The following SHKBP1 variants were observed in gnomAD, a reference collection of about 807,000 sequenced individuals.
SHKBP1 encodes the protein SH3KBP1 binding protein 1.
Under a neutral mutation model 83.9 loss-of-function variants are expected in SHKBP1, and 71 were observed. The observed-to-expected ratio is 0.85, with a 90% confidence interval of 0.70 to 1.03. The LOEUF (loss-of-function observed/expected upper bound fraction) is 1.03, where lower values mean the gene tolerates loss of function less well. Among genes scored for constraint, SHKBP1 ranks in the 50% least tolerant of loss-of-function variants. The probability of loss-of-function intolerance (pLI) is 0.00; values close to 1 mark genes in which losing one functional copy is unlikely to be tolerated. For synonymous variants in SHKBP1, 371 were observed against 398.0 expected (o/e 0.93, Z 0.81); for missense variants, 824 against 982.4 (o/e 0.84, Z 2.16).
intron 13 of SHKBP1, among the ~76,000 whole-genome samples, chr19:40,587,945 G>T (rs1348796800): frequency 6.6e-6 from 1 of 152,194 alleles, no homozygotes; most frequent in Non-Finnish European, 1.5e-5. Context: ...ACCAGGCAAT[G>T]ATAAGGGCTA....
chr19:40,581,595 C>T (rs773064292), intron 9 of SHKBP1, among the ~76,000 whole-genome samples: 3 of 151,898 alleles, frequency 2.0e-5, no homozygotes, highest in Non-Finnish European at 4.4e-5. Context: ...TCTGTAGTTC[C>T]AGCACTTTGG....
chr19:40,577,945 C>G, intron 4 of SHKBP1: 1 of 600,444 alleles, frequency 1.7e-6, no homozygotes, highest in Non-Finnish European at 2.9e-6. Context: ...TTCGATTTCT[C>G]CCTACACACA....
At chr19:40,581,538 A>C (rs2081270252) in intron 9 of SHKBP1, among the ~76,000 whole-genome samples, 1 of 108,272 alleles carries the variant, frequency 9.2e-6, no homozygotes, top group Admixed American at 8.3e-5. Context: ...AAAAAAAAAA[A>C]ACAAAAAAAG....
intron 9 of SHKBP1, among the ~76,000 whole-genome samples, 192 bp from the exon 10 acceptor site, chr19:40,582,159 T>G (rs1050180980): frequency 1.4e-4 from 21 of 152,144 alleles, no homozygotes; most frequent in African/African-American, 5.1e-4. Flanking sequence ...TGGCCTCAAA[T>G]GATCCGCCCA....
At chr19:40,577,919 T>C in intron 4 of SHKBP1, 1 of 628,660 alleles carries the variant, frequency 1.6e-6, no homozygotes, top group Non-Finnish European at 2.8e-6. Flanking sequence ...CTTGATCATG[T>C]TAAAATTTTA....
At chr19:40,580,146 A>C in intron 6 of SHKBP1, 178 bp from the exon 7 acceptor site, 2 of 663,216 alleles carry the variant, frequency 3.0e-6, no homozygotes, top group Non-Finnish European at 2.5e-6. Context: ...ACTGAAAGGG[A>C]AGTAACTTGC....
At chr19:40,583,986 G>A (rs922184262) in intron 12 of SHKBP1, among the ~76,000 whole-genome samples, 8 of 152,068 alleles carry the variant, frequency 5.3e-5, no homozygotes, top group Non-Finnish European at 7.4e-5. Context: ...GATTACAGGC[G>A]CCCACTGCCA....
Position 40,580,622 on chromosome 19 carries a change from G to T in SHKBP1, c.619G>T (p.Ala207Ser), listed in dbSNP as rs114918214. The T allele has an allele frequency of 7.4e-6, 12 of 1,614,080 alleles. No homozygotes were observed. The highest frequency in any genetic ancestry group is 9.3e-6 in the Non-Finnish European group (11 of 1,180,052). ...GGTGTGTGGACACCATAATTGGATC[G>T]CTGTGGCCTATACCCAGTTTCTAGT... Reference protein sequence around the residue: ...RLVCGHHNWIAVAYTQFLVCY... With the variant: ...RLVCGHHNWISVAYTQFLVCY... The change falls in exon 8 of 18, where the codon GCT (alanine) becomes TCT (serine). Residue 207 changes from alanine (A) to serine (S), a missense_variant. Ala to Ser is a moderately conservative substitution (Grantham distance 99). Transcript: ENST00000291842.
At chr19:40,581,169 T>C (rs1245279641) in intron 9 of SHKBP1, among the ~76,000 whole-genome samples, 1 of 152,138 alleles carries the variant, frequency 6.6e-6, no homozygotes, top group Non-Finnish European at 1.5e-5. Flanking sequence ...CCTGCCCTGT[T>C]AGATCTCTTG....
chr19:40,578,343 C>T lies in SHKBP1; in HGVS notation c.320-119C>T, dbSNP rs1034346447. 7.5e-6 allele frequency: 11 copies of T among 1,461,472 alleles called. 1 individual carries two copies. The East Asian group carries it at 1.1e-4, about 15-fold the overall frequency. 90.5% of individuals were successfully genotyped at this position (1,461,472 alleles called of 1,614,324 possible). The stretch of plus-strand genomic sequence containing the variant: ...TGGGAGGACTGGTTATGGCCCTGGC[C>T]GGGTCTGTATTCGTACTGGGAGGAG... On this transcript the variant is annotated intron_variant, in intron 5 of 17. Transcript: ENST00000291842.
chr19:40,587,697 G>A (rs2081323556), intron 13 of SHKBP1, among the ~76,000 whole-genome samples: 1 of 152,164 alleles, frequency 6.6e-6, no homozygotes, highest in South Asian at 2.1e-4. Flanking sequence ...GGCTAGGAGT[G>A]TGAGACCAAC....
At chr19:40,577,330 G>A in intron 2 of SHKBP1, 46 bp downstream of exon 2, 1 of 1,613,752 alleles carries the variant, frequency 6.2e-7, no homozygotes, top group South Asian at 1.1e-5. Context: ...GGGATGGAGA[G>A]GGCGTGGGAG....
intron 9 of SHKBP1, among the ~76,000 whole-genome samples, chr19:40,582,022 G>T (rs756448390): frequency 2.6e-5 from 4 of 151,658 alleles, no homozygotes; most frequent in African/African-American, 9.7e-5. Flanking sequence ...CTGGGGTCAC[G>T]CAATTCTCCT....
rs991607949 is a variant in SHKBP1, at chr19:40,580,785, C to G, written c.693C>G (p.Ser231Arg). The G allele has an allele frequency of 1.1e-5, 17 of 1,610,972 alleles. No homozygotes were observed. The highest frequency in any genetic ancestry group is 1.4e-5 in the Non-Finnish European group (17 of 1,178,214). ...CTGGCTGGCAGCTGGTGTTTTCCAG[C>G]CCCCGCCTGGACTGGCCCATCGAAC... Reference protein sequence around the residue: ...EASGWQLVFSSPRLDWPIERL... With the variant: ...EASGWQLVFSRPRLDWPIERL... The change falls in exon 9 of 18, where the codon AGC becomes AGG. Residue 231 changes from serine to arginine, a missense_variant. By Grantham distance (110) the Ser-to-Arg change is moderately radical. This residue lies in a region of SHKBP1 where 355 missense variants were observed against 386.4 expected (regional missense o/e 0.92). Coordinates refer to ENST00000291842, the MANE Select transcript of SHKBP1 (RefSeq NM_138392.4).
At position 40,589,302 on chromosome 19, in the gene SHKBP1, T is replaced by C. The variant is rs551861552; in HGVS notation, c.1589+124T>C. 4.3e-5 allele frequency: 41 copies of C among 957,438 alleles called. No homozygotes were observed. The Admixed American group carries it at 6.5e-4, about 15-fold the overall frequency. 59.3% of individuals were successfully genotyped at this position (957,438 alleles called of 1,614,324 possible). On this transcript the variant is annotated intron_variant, in intron 15 of 17. Coordinates refer to ENST00000291842, the MANE Select transcript of SHKBP1 (RefSeq NM_138392.4). ...AGAAAGGGGTCCCAGCCAAGGAGCA[T>C]TGAAGGAGCAAAGGCTGGGAGGGAG...
chr19:40,590,243 G>A lies in SHKBP1; in HGVS notation c.1590-1G>A. The A allele has an allele frequency of 6.3e-7, 1 of 1,579,932 alleles. No homozygotes were observed. The highest frequency in any genetic ancestry group is 8.6e-7 in the Non-Finnish European group (1 of 1,164,734). ...ACCACCTCCCCCACTGCACCCCCCAGGGTGTGCTCCGTGCGCTCCGTGGAC... is the reference window on the plus strand; with the variant it reads ...ACCACCTCCCCCACTGCACCCCCCAAGGTGTGCTCCGTGCGCTCCGTGGAC... On this transcript the variant is annotated splice_acceptor_variant, in intron 15 of 17. Transcript: ENST00000291842. LOFTEE classifies it high-confidence loss of function. The surrounding 1 kb of genome is among the most constrained non-coding windows in gnomAD (Gnocchi z 4.6).
intron 12 of SHKBP1, among the ~76,000 whole-genome samples, chr19:40,585,421 GCTTTT>G (rs1391824498): frequency 6.6e-6 from 1 of 151,370 alleles, no homozygotes; most frequent in Non-Finnish European, 1.5e-5. Context: ...TGCTGCTGCT[GCTTTT>G]CTTTTTTTTT....
chr19:40,583,588 C>A lies in SHKBP1; in HGVS notation c.1049-13C>A. The A allele has an allele frequency of 6.2e-7, 1 of 1,608,618 alleles. No individual in the cohort carries two copies. Among genetic ancestry groups the A allele is most frequent in the Non-Finnish European group, 8.5e-7 (1 of 1,175,072 alleles). On this transcript the variant is annotated splice_polypyrimidine_tract_variant and intron_variant, in intron 11 of 17. Coordinates refer to ENST00000291842, the MANE Select transcript of SHKBP1 (RefSeq NM_138392.4). ...TTGGAACAAACCCGCTCCACCCTCC[C>A]TGCCCACCCCAGATGTGCAGAAGTT... is the stretch of plus-strand genomic sequence containing the variant.
Position 40,586,613 on chromosome 19 carries a change from C to T in SHKBP1, c.1166-161C>T, listed in dbSNP as rs894445764. ...AACGCCTGACCTCAAGCGATCCACC[C>T]GCCTCAGCTTCCCAAAGTGATGGGA... On this transcript the variant is annotated intron_variant, in intron 12 of 17. Transcript: ENST00000291842. The T allele has an allele frequency of 7.3e-5, 45 of 617,150 alleles. 1 individual carries two copies. The highest frequency in any genetic ancestry group is 5.3e-4 in the Admixed American group (13 of 24,306). 38.2% of individuals were successfully genotyped at this position (617,150 alleles called of 1,614,324 possible). A position where few individuals can be genotyped will look rare whatever the true frequency, so the allele number is the denominator to read the frequency against.
Sources: gnomAD v4.1 joint callset for allele counts (sites outside exome capture counted in the v4.1 genomes callset) on GRCh38, gnomAD v4.1.1 for gene constraint, gnomAD v4.1.1 regional missense constraint, Gnocchi (gnomAD v3.1) non-coding constraint, MANE v1.5 for transcripts, NCBI Gene and HGNC (gene_info 2026-07-23, HGNC 2026-07-21) for gene names.